Variants in TIMP3 observed in about 807,000 individuals in gnomAD.
TIMP3 encodes the protein metalloproteinase inhibitor 3.
In TIMP3, 11 loss-of-function variants were observed where a neutral mutation model predicts 30.0. The observed-to-expected ratio is 0.37, with a 90% confidence interval of 0.23 to 0.61. The LOEUF is 0.61. Ranked by LOEUF, TIMP3 falls within the 20% of genes least tolerant of loss-of-function variation. The pLI, the probability that TIMP3 is intolerant of heterozygous loss-of-function variation, is 0.70. For missense variants in TIMP3, 181 were observed against 276.8 expected, an observed-to-expected ratio of 0.65 and a Z score of 2.45; for synonymous variants, 112 against 111.3, an observed-to-expected ratio of 1.01 and a Z score of -0.04.
rs1465489099 is a variant in TIMP3, at chr22:32,860,472, A to G, written c.*1095A>G. On this transcript the variant is annotated 3_prime_UTR_variant, in exon 5 of 5. Coordinates refer to ENST00000266085, the MANE Select transcript of TIMP3 (RefSeq NM_000362.5). Reference sequence around the variant, plus strand: ...ATGCTGTTAAATATGCCAATAGTTTAATCTCTTCTATTTTGTTGTCGTTGC... The same window carrying G: ...ATGCTGTTAAATATGCCAATAGTTTGATCTCTTCTATTTTGTTGTCGTTGC... 6.5e-6 allele frequency: 1 copy of G among 152,672 alleles called. No individual in the cohort carries two copies. The highest frequency in any genetic ancestry group is 2.4e-5 in the African/African-American group (1 of 41,464). The allele number at this position is 152,672 out of a possible 1,614,324, so 9.5% of individuals were successfully genotyped here.
rs1168209334 is a variant in TIMP3, at chr22:32,859,576, T to C, written c.*199T>C. 2 of 688,750 alleles carry C rather than the reference T, an allele frequency of 2.9e-6. No homozygotes were observed. The highest frequency in any genetic ancestry group is 2.2e-5 in the South Asian group (1 of 46,184). The allele number at this position is 688,750 out of a possible 1,614,324, so 42.7% of individuals were successfully genotyped here. A position where few individuals can be genotyped will look rare whatever the true frequency, so the allele number is the denominator to read the frequency against. Reference sequence around the variant, plus strand: ...CCTGGCCCCACCCTGCCCCTTCTTTTTGGTTTTGACATCATTCATTTCCAC... The same window carrying C: ...CCTGGCCCCACCCTGCCCCTTCTTTCTGGTTTTGACATCATTCATTTCCAC... On this transcript the variant is annotated 3_prime_UTR_variant, in exon 5 of 5. Transcript: ENST00000266085.
intron 1 of TIMP3, among the ~76,000 whole-genome samples, chr22:32,820,002 A>G (rs1350594693): frequency 6.6e-6 from 1 of 152,130 alleles, no homozygotes; most frequent in East Asian, 1.9e-4. Context: ...TTAGAGCCCA[A>G]GGGAATCAGG....
intron 1 of TIMP3, among the ~76,000 whole-genome samples, chr22:32,807,382 TATATTATATATA>T (rs1243612339): frequency 9.3e-6 from 1 of 107,560 alleles, no homozygotes; most frequent in African/African-American, 3.8e-5. Flanking sequence ...ATATATAATA[TATATTATATATA>T]ATATATATAT....
At position 32,861,716 on chromosome 22, in the gene TIMP3, A is replaced by C. The variant is rs1216462546; in HGVS notation, c.*2339A>C. The C allele has an allele frequency of 1.3e-5, 2 of 152,144 alleles. No individual in the cohort carries two copies. Among genetic ancestry groups the C allele is most frequent in the East Asian group, 3.9e-4 (2 of 5,086 alleles). The allele number at this position is 152,144 out of a possible 1,614,324, so 9.4% of individuals were successfully genotyped here. ...CTTGGTGAGGAGGCCCTGGGCAAAG[A>C]AGGGTCTTTCGCAAAGCGATGTCAG... On this transcript the variant is annotated 3_prime_UTR_variant, in exon 5 of 5. Coordinates refer to ENST00000266085, the MANE Select transcript of TIMP3 (RefSeq NM_000362.5).
In TIMP3 at chr22:32,859,287, C is replaced by T. The variant is rs148860703; in HGVS notation, c.546C>T (p.Tyr182=). The T allele has an allele frequency of 1.4e-5, 23 of 1,614,190 alleles. No individual in the cohort carries two copies. The highest frequency in any genetic ancestry group is 3.3e-5 in the Admixed American group (2 of 60,020). The change falls in exon 5 of 5, where the codon TAC becomes TAT. Residue 182 remains tyrosine (Y), a synonymous_variant. Coordinates refer to ENST00000266085, the MANE Select transcript of TIMP3 (RefSeq NM_000362.5). The part of the protein sequence containing the change: ...FGYPGYQSKH[Y]ACIRQKGGYC... ...ACCCTGGCTACCAGTCCAAACACTA[C>T]GCCTGCATCCGGCAGAAGGGCGGCT...
At chr22:32,818,771 C>A (rs1049185305) in intron 1 of TIMP3, among the ~76,000 whole-genome samples, 1 of 152,124 alleles carries the variant, frequency 6.6e-6, no homozygotes, top group African/African-American at 2.4e-5. Flanking sequence ...CTGCTTCCAC[C>A]TGGATCTGGA....
intron 1 of TIMP3, among the ~76,000 whole-genome samples, chr22:32,842,000 C>A (rs1355047866): frequency 6.6e-6 from 1 of 152,106 alleles, no homozygotes; most frequent in East Asian, 1.9e-4. Context: ...GGACTGAGCA[C>A]CAAGAAGGTC....
Position 32,859,269 on chromosome 22 carries a change from C to G in TIMP3, c.528C>G (p.Gly176=). The G allele has an allele frequency of 6.2e-7, 1 of 1,614,218 alleles. No individual in the cohort carries two copies. Among genetic ancestry groups the G allele is most frequent in the Non-Finnish European group, 8.5e-7 (1 of 1,180,034 alleles). Residue 176 remains glycine, a synonymous_variant, in exon 5 of 5, where the codon GGC becomes GGG. Transcript: ENST00000266085. ...TDMLSNFGYP[G]YQSKHYACIR... ...TGCTCTCCAATTTCGGTTACCCTGG[C>G]TACCAGTCCAAACACTACGCCTGCA...
At chr22:32,807,110 C>T (rs1045722017) in intron 1 of TIMP3, among the ~76,000 whole-genome samples, 4 of 150,612 alleles carry the variant, frequency 2.7e-5, no homozygotes, top group Non-Finnish European at 5.9e-5. Context: ...TGACTGCCCC[C>T]CTGGCTTTCC....
chr22:32,808,741 T>C (rs1353235739), intron 1 of TIMP3, among the ~76,000 whole-genome samples: 1 of 152,182 alleles, frequency 6.6e-6, no homozygotes, highest in East Asian at 1.9e-4. Flanking sequence ...CTCCTTGGCA[T>C]TGGTACAGAC....
chr22:32,841,422 G>A (rs1238965292), intron 1 of TIMP3, among the ~76,000 whole-genome samples: 1 of 152,136 alleles, frequency 6.6e-6, no homozygotes, highest in Non-Finnish European at 1.5e-5. Flanking sequence ...TTCCAGCAGA[G>A]GGAACTGCAA....
At position 32,862,972 on chromosome 22, in the gene TIMP3, G is replaced by A. The variant is rs536305587; in HGVS notation, c.*3595G>A. ...CCGTGAATGTATATTGTCTTGTAAT[G>A]TTGCATAATGTTCACTTTTTATAGT... On this transcript the variant is annotated 3_prime_UTR_variant, in exon 5 of 5. Transcript: ENST00000266085. 3 of 152,770 alleles carry A rather than the reference G, an allele frequency of 2.0e-5. No homozygotes were observed. Among genetic ancestry groups the A allele is most frequent in the African/African-American group, 7.2e-5 (3 of 41,580 alleles). 9.5% of individuals were successfully genotyped at this position (152,770 alleles called of 1,614,324 possible). A position where few individuals can be genotyped will look rare whatever the true frequency, so the allele number is the denominator to read the frequency against.
chr22:32,814,170 GAGAAAGAAAGAAA>G (rs1182747513), intron 1 of TIMP3, among the ~76,000 whole-genome samples: 1 of 84,002 alleles, frequency 1.2e-5, no homozygotes, highest in Non-Finnish European at 2.3e-5. Context: ...GAGAGAGAAA[GAGAAAGAAAGAAA>G]AGAAAGAAAG....
intron 1 of TIMP3, among the ~76,000 whole-genome samples, chr22:32,844,935 C>T (rs2146215462): frequency 6.6e-6 from 1 of 152,232 alleles, no homozygotes; most frequent in East Asian, 1.9e-4. Flanking sequence ...CACTGTGTTG[C>T]CCAGGCTGGT....
At chr22:32,826,655 A>T (rs1028902881) in intron 1 of TIMP3, among the ~76,000 whole-genome samples, 2 of 152,184 alleles carry the variant, frequency 1.3e-5, no homozygotes, top group African/African-American at 4.8e-5. Flanking sequence ...CTTGTTGACT[A>T]TTCTCTTCTC....
At chr22:32,840,260 A>G (rs1569266757) in intron 1 of TIMP3, among the ~76,000 whole-genome samples, 1 of 152,170 alleles carries the variant, frequency 6.6e-6, no homozygotes, top group African/African-American at 2.4e-5. Context: ...TAAAACCAAG[A>G]TTAATATTTT....
rs576713876 is a variant in TIMP3, at chr22:32,830,253, G to A, written c.122-19199G>A. 5.2e-4 allele frequency among the ~76,000 whole-genome samples: 79 copies of A among 152,280 alleles called. 3 individuals carry two copies. In the South Asian group the frequency reaches 0.016, roughly 31 times the overall value. On this transcript the variant is annotated intron_variant, in intron 1 of 4. Coordinates refer to ENST00000266085, the MANE Select transcript of TIMP3 (RefSeq NM_000362.5). ...GGCCTCTCACAAAACAGTAGTCACC[G>A]CTGCTGTTCACTGAGTGGTTACTTT...
At chr22:32,843,979 A>T (rs981244920) in intron 1 of TIMP3, among the ~76,000 whole-genome samples, 1 of 152,116 alleles carries the variant, frequency 6.6e-6, no homozygotes, top group Non-Finnish European at 1.5e-5. Context: ...AGATAGCATG[A>T]ATCAACTCCT....
chr22:32,846,005 C>A (rs564537940), intron 1 of TIMP3, among the ~76,000 whole-genome samples: 1 of 152,198 alleles, frequency 6.6e-6, no homozygotes, highest in Non-Finnish European at 1.5e-5. Context: ...GGTTGGCCAG[C>A]AATTCTACTT....
Sources: gnomAD v4.1 joint callset for allele counts (sites outside exome capture counted in the v4.1 genomes callset) on GRCh38, gnomAD v4.1.1 for gene constraint, MANE v1.5 for transcripts, NCBI Gene and HGNC (gene_info 2026-07-23, HGNC 2026-07-21) for gene names.